Variants in SLC17A8 observed in about 807,000 individuals in gnomAD.
SLC17A8 encodes the protein solute carrier family 17 member 8.
Under a neutral mutation model 58.0 loss-of-function variants are expected in SLC17A8, and 31 were observed. The ratio of observed to expected loss-of-function variants is 0.53; its 90% CI spans 0.40 to 0.72. SLC17A8 has a LOEUF of 0.72. SLC17A8 is among the 30% of genes least tolerant of loss of function. The pLI is 0.00. For synonymous variants in SLC17A8, 228 were observed against 249.0 expected, an observed-to-expected ratio of 0.92 and a Z score of 0.79; for missense variants, 655 against 727.8, an observed-to-expected ratio of 0.90 and a Z score of 1.15.
chr12:100,413,355 A>G (rs1285789551), intron 10 of SLC17A8, among the ~76,000 whole-genome samples: 1 of 152,172 alleles, frequency 6.6e-6, no homozygotes, highest in Non-Finnish European at 1.5e-5. Flanking sequence ...TCATTTTCCA[A>G]ACAAGAAAAT....
chr12:100,406,008 AAACT>A (rs1185287377), intron 9 of SLC17A8, among the ~76,000 whole-genome samples: 2 of 152,140 alleles, frequency 1.3e-5, no homozygotes, highest in Non-Finnish European at 2.9e-5. Flanking sequence ...TATAAAATGA[AAACT>A]AATACAGTAG....
rs1952794061 is a variant in SLC17A8 at position 100,401,917 on chromosome 12, C to G, written c.763+54C>G. ...TGTGACTCATAGAGATGGTATTTTACTGCATATGGGTTTGGCTCAGAGTTC... is the reference window on the plus strand; with the variant it reads ...TGTGACTCATAGAGATGGTATTTTAGTGCATATGGGTTTGGCTCAGAGTTC... On this transcript the variant is annotated intron_variant, in intron 6 of 11. Coordinates refer to ENST00000323346, the MANE Select transcript of SLC17A8 (RefSeq NM_139319.3). The G allele has an allele frequency of 2.1e-6, 3 of 1,433,984 alleles. No homozygotes were observed. In the Admixed American group the frequency reaches 5.0e-5, roughly 24 times the overall value. The allele number at this position is 1,433,984 out of a possible 1,614,324, so 88.8% of individuals were successfully genotyped here. A position where few individuals can be genotyped will look rare whatever the true frequency, so the allele number is the denominator to read the frequency against.
At position 100,420,015 on chromosome 12, in the gene SLC17A8, CA is replaced by C; in HGVS notation, c.1631del (p.Lys544ArgfsTer32). The part of the protein sequence containing the change: ...ELNHESFASP[K>X]KKMSYGATSQ... ...TCAACCATGAGAGTTTTGCGAGTCCCAAAAAGAAGATGTCTTATGGAGCCAC... is the reference window on the plus strand; with the variant it reads ...TCAACCATGAGAGTTTTGCGAGTCCCAAAAGAAGATGTCTTATGGAGCCAC... On this transcript the variant is annotated frameshift_variant, in exon 12 of 12. Coordinates refer to ENST00000323346, the MANE Select transcript of SLC17A8 (RefSeq NM_139319.3). LOFTEE classifies it low-confidence loss of function (END_TRUNC). 12 of 1,613,764 alleles carry C rather than the reference CA, an allele frequency of 7.4e-6. No individual in the cohort carries two copies. The highest frequency in any genetic ancestry group is 1.0e-5 in the Non-Finnish European group (12 of 1,179,878).
chr12:100,404,291 C>G, intron 9 of SLC17A8, 121 bp downstream of exon 9: 1 of 1,308,168 alleles, frequency 7.6e-7, no homozygotes, highest in Non-Finnish European at 1.1e-6. Flanking sequence ...ACCTCTAAGT[C>G]TGTCCCTCAG....
In SLC17A8 at chr12:100,418,329, T is replaced by C. The variant is rs574006012; in HGVS notation, c.1425+173T>C. 4.6e-5 allele frequency among the ~76,000 whole-genome samples: 7 copies of C among 152,290 alleles called. No homozygotes were observed. The East Asian group carries it at 1.3e-3, about 29-fold the overall frequency. Reference sequence around the variant, plus strand: ...TTCTTCTGATTTTCAAATCATTGCTTATCAATGGCACCAAGGCTAGTTGTT... The same window carrying C: ...TTCTTCTGATTTTCAAATCATTGCTCATCAATGGCACCAAGGCTAGTTGTT... On this transcript the variant is annotated intron_variant, in intron 11 of 11. Coordinates refer to ENST00000323346, the MANE Select transcript of SLC17A8 (RefSeq NM_139319.3).
At position 100,415,596 on chromosome 12, in the gene SLC17A8, A is replaced by G. The variant is rs1952900677; in HGVS notation, c.1298-2433A>G. Among the ~76,000 whole-genome samples, 3 of 151,788 alleles carry G rather than the reference A, an allele frequency of 2.0e-5. No individual in the cohort carries two copies. The South Asian group carries it at 6.3e-4, about 32-fold the overall frequency. ...TACAGGCATGTGCCACCACTTCCAG[A>G]TATATATATATTTTTTCGAGACAGG... On this transcript the variant is annotated intron_variant, in intron 10 of 11. Coordinates refer to ENST00000323346, the MANE Select transcript of SLC17A8 (RefSeq NM_139319.3).
chr12:100,358,721 C>T (rs1047823574), intron 1 of SLC17A8, among the ~76,000 whole-genome samples: 2 of 152,116 alleles, frequency 1.3e-5, no homozygotes, highest in African/African-American at 4.8e-5. Context: ...GTTGAGCACT[C>T]CCCAGGTAAC....
rs1952935355 is a variant in SLC17A8, at chr12:100,419,932, C to G, written c.1543C>G (p.Leu515Val). ...ACAGGAGTGGGCTGACCCAGAGAAT[C>G]TCTCTGAGGAGAAATGTGGAATCAT... is the stretch of plus-strand genomic sequence containing the variant. ...EKQEWADPENLSEEKCGIIDQ... is the reference protein window; with the variant it reads ...EKQEWADPENVSEEKCGIIDQ... The change falls in exon 12 of 12, where the codon CTC (leucine) becomes GTC (valine). Residue 515 changes from leucine to valine, a missense_variant. Leu to Val is a conservative substitution (Grantham distance 32). Transcript: ENST00000323346. 2 of 1,613,890 alleles carry G rather than the reference C, an allele frequency of 1.2e-6. No individual in the cohort carries two copies. The highest frequency in any genetic ancestry group is 1.7e-6 in the Non-Finnish European group (2 of 1,179,964).
chr12:100,401,656 C>G (rs80294714), intron 5 of SLC17A8, 121 bp from the exon 6 acceptor site: 2 of 849,806 alleles, frequency 2.4e-6, no homozygotes, highest in East Asian at 2.5e-5. Context: ...TGTCTCTGCA[C>G]GGAGGCAGTC....
intron 2 of SLC17A8, among the ~76,000 whole-genome samples, chr12:100,385,238 T>TTA (rs1952665939): frequency 3.4e-5 from 5 of 145,928 alleles, no homozygotes; most frequent in African/African-American, 7.7e-5. Flanking sequence ...TAAACATTTT[T>TTA]TTTTTTTTTT....
At chr12:100,406,328 G>GT (rs1952825625) in intron 9 of SLC17A8, among the ~76,000 whole-genome samples, 1 of 152,184 alleles carries the variant, frequency 6.6e-6, no homozygotes, top group Non-Finnish European at 1.5e-5. Context: ...AGAGGGAATA[G>GT]TATGTGCAAT....
At chr12:100,406,871 G>T (rs1186205207) in intron 9 of SLC17A8, among the ~76,000 whole-genome samples, 1 of 152,102 alleles carries the variant, frequency 6.6e-6, no homozygotes. Context: ...AATTATGCAG[G>T]GTACAAGAGT....
intron 5 of SLC17A8, among the ~76,000 whole-genome samples, chr12:100,397,075 C>G (rs759170813): frequency 3.9e-5 from 6 of 152,154 alleles, no homozygotes; most frequent in Non-Finnish European, 7.3e-5. Flanking sequence ...ATATGCTTTA[C>G]TAAATGCAGA....
chr12:100,373,577 CTTTTTT>C (rs11296057), intron 1 of SLC17A8, among the ~76,000 whole-genome samples: 32 of 87,632 alleles, frequency 3.7e-4, no homozygotes, highest in African/African-American at 1.1e-3. Context: ...AAATCAGTGA[CTTTTTT>C]TTTTTTTTTT....
chr12:100,404,397 G>C lies in SLC17A8; in HGVS notation c.1186+227G>C, dbSNP rs557950253. 13 of 554,662 alleles carry C rather than the reference G, an allele frequency of 2.3e-5. No homozygotes were observed. In the African/African-American group the frequency reaches 2.5e-4, roughly 10 times the overall value. The allele number at this position is 554,662 out of a possible 1,614,324, so 34.4% of individuals were successfully genotyped here. ...TCCACATTTATTGTTTGCTTATGTA[G>C]TTTATTCCCTTCTCTGCTTACCTTT... On this transcript the variant is annotated intron_variant, in intron 9 of 11. Coordinates refer to ENST00000323346, the MANE Select transcript of SLC17A8 (RefSeq NM_139319.3).
chr12:100,375,178 A>T (rs1297081934), intron 1 of SLC17A8, among the ~76,000 whole-genome samples: 2 of 150,312 alleles, frequency 1.3e-5, no homozygotes, highest in East Asian at 3.9e-4. Flanking sequence ...GCTGGAGTGC[A>T]GTGGCACAAT....
chr12:100,399,896 C>T (rs765415738), intron 5 of SLC17A8, among the ~76,000 whole-genome samples: 1 of 152,164 alleles, frequency 6.6e-6, no homozygotes, highest in Non-Finnish European at 1.5e-5. Context: ...AGAGTAAGGG[C>T]TTTGGGGTTC....
At position 100,404,101 on chromosome 12, in the gene SLC17A8, T is replaced by C. The variant is rs530536837; in HGVS notation, c.1117T>C (p.Leu373=). Residue 373 remains leucine (L), a synonymous_variant, in exon 9 of 12, where the codon TTG becomes CTG. Transcript: ENST00000323346. ...MTIVVPIGGQ[L]ADYLRSRQIL... The stretch of plus-strand genomic sequence containing the variant: ...AATCGTTGTACCTATTGGAGGACAA[T>C]TGGCTGATTATTTAAGAAGCAGACA... 1.9e-5 allele frequency: 30 copies of C among 1,614,190 alleles called. No individual in the cohort carries two copies. The East Asian group carries it at 3.8e-4, about 20-fold the overall frequency.
At chr12:100,364,568 A>G (rs2135970092) in intron 1 of SLC17A8, among the ~76,000 whole-genome samples, 1 of 152,314 alleles carries the variant, frequency 6.6e-6, no homozygotes, top group East Asian at 1.9e-4. Flanking sequence ...GCTAGCTGAC[A>G]TCAACTGGCC....
Sources: gnomAD v4.1 joint callset for allele counts (sites outside exome capture counted in the v4.1 genomes callset) on GRCh38, gnomAD v4.1.1 for gene constraint, MANE v1.5 for transcripts, NCBI Gene and HGNC (gene_info 2026-07-23, HGNC 2026-07-21) for gene names.